AFF3: variants seen among roughly 807,000 people sequenced by gnomAD.
AFF3 encodes ALF transcription elongation factor 3, also known as AF4/FMR2 family member 3.
Under a neutral mutation model 129.7 loss-of-function variants are expected in AFF3, and 32 were observed. The observed-to-expected ratio is 0.25, with a 90% CI of 0.19 to 0.33. The LOEUF (loss-of-function observed/expected upper bound fraction) is 0.33. AFF3 is among the 10% of genes least tolerant of loss of function. AFF3 has a pLI of 1.00. For synonymous variants in AFF3, 644 were observed against 635.4 expected (o/e 1.01, Z -0.20); for missense variants, 1,373 against 1,592.0 (o/e 0.86, Z 2.34).
rs771918098 is a variant in AFF3, at chr2:99,744,140, C to G, written c.1003G>C (p.Asp335His). The G allele has an allele frequency of 3.9e-5, 62 of 1,603,240 alleles. No individual in the cohort carries two copies. The highest frequency in any genetic ancestry group is 4.9e-5 in the Non-Finnish European group (58 of 1,174,948). The stretch of plus-strand genomic sequence containing the variant: ...TGTCCAGAGGATACAAGCTGAGAGT[C>G]CTGAAAGAACAAGAAATATCAATTA... Reference protein sequence around the residue: ...EPTKFPFPNKDSQLVSSGHNN... With the variant: ...EPTKFPFPNKHSQLVSSGHNN... Residue 335 changes from aspartate to histidine, a missense_variant and splice_region_variant, in exon 10 of 25, where the codon GAC (aspartate) becomes CAC (histidine). By Grantham distance (81) the Asp-to-His change is moderately conservative (BLOSUM62 -1). Transcript: ENST00000672756.
intron 12 of AFF3, among the ~76,000 whole-genome samples, chr2:99,670,717 T>C (rs1351179610): frequency 6.6e-6 from 1 of 152,244 alleles, no homozygotes; most frequent in Non-Finnish European, 1.5e-5. Flanking sequence ...ATGCAATTAC[T>C]GTTGAAGCAA....
intron 8 of AFF3, among the ~76,000 whole-genome samples, chr2:99,816,545 A>G (rs1420493136): frequency 6.6e-6 from 1 of 152,066 alleles, no homozygotes. Context: ...TCAGGAGTCT[A>G]GTTGTTTGTG....
chr2:99,594,138 C>G lies in AFF3; in HGVS notation c.1523G>C (p.Gly508Ala). ...GGGCTGGCAAACGTCGGGGACTTTC[C>G]CACAGTCCTGGACGTCCTCTTTCAC... ...NPVKEDVQDC[G>A]KVPDVCQPSL... Residue 508 changes from glycine to alanine, a missense_variant, in exon 15 of 25, where the codon GGG becomes GCG. By Grantham distance (60) the Gly-to-Ala change is moderately conservative. Around this residue, in one of 9 missense-constraint regions of AFF3, gnomAD observed 413 missense variants for 424.4 expected, o/e 0.97. Transcript: ENST00000672756. The G allele has an allele frequency of 6.2e-7, 1 of 1,614,044 alleles. No individual in the cohort carries two copies. The highest frequency in any genetic ancestry group is 8.5e-7 in the Non-Finnish European group (1 of 1,179,986).
chr2:100,082,624 T>C (rs932292014), intron 4 of AFF3, among the ~76,000 whole-genome samples: 19 of 152,132 alleles, frequency 1.2e-4, no homozygotes, highest in African/African-American at 3.6e-4. Flanking sequence ...AATTTGAATA[T>C]TGCATAATGG....
intron 10 of AFF3, among the ~76,000 whole-genome samples, chr2:99,738,727 C>T (rs1680459287): frequency 6.6e-6 from 1 of 152,062 alleles, no homozygotes; most frequent in Non-Finnish European, 1.5e-5. Context: ...ATTTATGGCT[C>T]TTTGTAAGTG....
At chr2:99,580,960 C>G (rs1677481456) in intron 17 of AFF3, among the ~76,000 whole-genome samples, 2 of 152,210 alleles carry the variant, frequency 1.3e-5, no homozygotes, top group Admixed American at 1.3e-4. Context: ...ATTCAAGCTG[C>G]TTTGTTATAA....
At chr2:99,927,438 G>T (rs546731901) in intron 7 of AFF3, among the ~76,000 whole-genome samples, 1 of 152,216 alleles carries the variant, frequency 6.6e-6, no homozygotes, top group East Asian at 1.9e-4. Context: ...GAACATGAAC[G>T]GAGCTGGAGG....
At chr2:99,563,243 T>C (rs1195500824) in intron 20 of AFF3, among the ~76,000 whole-genome samples, 1 of 151,174 alleles carries the variant, frequency 6.6e-6, no homozygotes, top group African/African-American at 2.4e-5. Context: ...CAGGCTGGAG[T>C]GCAGTGGCGC....
chr2:99,568,822 A>G, intron 19 of AFF3, 30 bp downstream of exon 19: 1 of 1,607,142 alleles, frequency 6.2e-7, no homozygotes, highest in East Asian at 2.2e-5. Flanking sequence ...ATAATTTGGA[A>G]GAACGTATCT....
intron 11 of AFF3, among the ~76,000 whole-genome samples, chr2:99,720,679 T>C (rs1172624129): frequency 1.3e-5 from 2 of 152,232 alleles, no homozygotes; most frequent in African/African-American, 2.4e-5. Flanking sequence ...TTTCAATTTG[T>C]TTTCTATTGA....
chr2:99,587,464 A>T (rs1162703764), intron 15 of AFF3, among the ~76,000 whole-genome samples, 186 bp from the exon 16 acceptor site: 2 of 152,162 alleles, frequency 1.3e-5, no homozygotes, highest in Non-Finnish European at 2.9e-5. Context: ...GCAAGGATGA[A>T]ATCTGTCAGT....
At chr2:99,730,516 C>CTTT (rs1448325264) in intron 10 of AFF3, among the ~76,000 whole-genome samples, 3 of 140,512 alleles carry the variant, frequency 2.1e-5, no homozygotes, top group South Asian at 2.3e-4. Context: ...TATACTGCAA[C>CTTT]TTTTTTTTTT....
intron 13 of AFF3, among the ~76,000 whole-genome samples, chr2:99,648,917 A>ACACACACACACACT: frequency 8.5e-5 from 4 of 46,874 alleles, no homozygotes; most frequent in Admixed American, 2.6e-4. Flanking sequence ...ACACACACAC[A>ACACACACACACACT]CTCTCTCTCT....
intron 17 of AFF3, among the ~76,000 whole-genome samples, chr2:99,580,567 C>G (rs1425537956): frequency 6.6e-6 from 1 of 152,174 alleles, no homozygotes; most frequent in East Asian, 1.9e-4. Context: ...GACAGCCCCA[C>G]CACAAGTAAT....
At chr2:100,079,333 G>A (rs1688856592) in intron 4 of AFF3, among the ~76,000 whole-genome samples, 1 of 152,206 alleles carries the variant, frequency 6.6e-6, no homozygotes, top group African/African-American at 2.4e-5. Context: ...CATGTCAAAT[G>A]TAATTAAGTT....
intron 8 of AFF3, among the ~76,000 whole-genome samples, chr2:99,825,018 G>C (rs2105713742): frequency 6.6e-6 from 1 of 152,290 alleles, no homozygotes; most frequent in Non-Finnish European, 1.5e-5. Flanking sequence ...GAGCATGCTG[G>C]AAGAGTTCTG....
In AFF3 at chr2:99,673,049, CT is replaced by C. The variant is rs149522615; in HGVS notation, c.1092-461del. 6.5e-3 allele frequency among the ~76,000 whole-genome samples: 924 copies of C among 143,078 alleles called. 4 individuals are homozygous for C. The highest frequency in any genetic ancestry group is 0.018 in the Middle Eastern group (5 of 276). 93.9% of individuals were successfully genotyped at this position (143,078 alleles called of 152,430 possible). A position where few individuals can be genotyped will look rare whatever the true frequency, so the allele number is the denominator to read the frequency against. ...GAAAATAGCAATAAAAAAGAAGATGCTTTTTTTTTTTTTCTCTCAAATACAT... is the reference window on the plus strand; with the variant it reads ...GAAAATAGCAATAAAAAAGAAGATGCTTTTTTTTTTTTCTCTCAAATACAT... On this transcript the variant is annotated intron_variant, in intron 11 of 24. Transcript: ENST00000672756.
At chr2:100,061,388 GT>G (rs1268261379) in intron 4 of AFF3, among the ~76,000 whole-genome samples, 1 of 152,012 alleles carries the variant, frequency 6.6e-6, no homozygotes, top group Non-Finnish European at 1.5e-5. Flanking sequence ...TGACTCTGCA[GT>G]GGCTGTAATG....
intron 9 of AFF3, among the ~76,000 whole-genome samples, chr2:99,747,236 G>A (rs1020994991): frequency 6.6e-6 from 1 of 152,020 alleles, no homozygotes; most frequent in Non-Finnish European, 1.5e-5. Context: ...CACCATGTTG[G>A]CCAGGCTGGT....
Sources: gnomAD v4.1 joint callset for allele counts (sites outside exome capture counted in the v4.1 genomes callset) on GRCh38, gnomAD v4.1.1 for gene constraint, gnomAD v4.1.1 regional missense constraint, MANE v1.5 for transcripts, NCBI Gene and HGNC (gene_info 2026-07-23, HGNC 2026-07-21) for gene names.